The following EEF1AKMT2 variants were observed in gnomAD, a reference collection of about 807,000 sequenced individuals.
EEF1AKMT2 encodes the protein eukaryotic translation elongation factor 1 alpha lysine methyltransferase 2.
In EEF1AKMT2, 32 loss-of-function variants were observed where a neutral mutation model predicts 35.8. The observed-to-expected ratio is 0.89, with a 90% CI of 0.67 to 1.20. EEF1AKMT2 has a LOEUF of 1.20. EEF1AKMT2 is among the 50% of genes most tolerant of loss of function. The probability of loss-of-function intolerance (pLI) is 0.00; values close to 1 mark genes in which losing one functional copy is unlikely to be tolerated. For missense variants in EEF1AKMT2, 330 were observed against 347.5 expected, an observed-to-expected ratio of 0.95 and a Z score of 0.40; for synonymous variants, 121 against 133.7, an observed-to-expected ratio of 0.91 and a Z score of 0.65.
intron 3 of EEF1AKMT2, among the ~76,000 whole-genome samples, chr10:124,788,097 A>G (rs529732780): frequency 3.4e-4 from 52 of 152,262 alleles, no homozygotes; most frequent in Admixed American, 9.2e-4. Flanking sequence ...TTGTATTTCA[A>G]TTTATCAAAT....
chr10:124,774,825 T>C, intron 3 of EEF1AKMT2, 43 bp from the exon 4 acceptor site: 2 of 959,820 alleles, frequency 2.1e-6, no homozygotes, highest in Admixed American at 6.8e-5. Flanking sequence ...AATTTTAATA[T>C]AATGTTTTGT....
In EEF1AKMT2 at chr10:124,790,293, A is replaced by G; in HGVS notation, c.156T>C (p.Tyr52=). Residue 52 remains tyrosine, a synonymous_variant, in exon 2 of 7, where the codon TAT becomes TAC. Coordinates refer to ENST00000368836, the MANE Select transcript of EEF1AKMT2 (RefSeq NM_212554.4). ...YERELQTFRE[Y]GDTGEIWFGE... is the part of the protein sequence containing the mutation. ...CTCACCAGATTTCACCTGTATCTCC[A>G]TATTCTCGGAAAGTTTGCAGTTCTC... 6.2e-7 allele frequency: 1 copy of G among 1,612,008 alleles called. No individual in the cohort carries two copies. The highest frequency in any genetic ancestry group is 8.5e-7 in the Non-Finnish European group (1 of 1,178,084).
intron 6 of EEF1AKMT2, among the ~76,000 whole-genome samples, chr10:124,761,581 T>C (rs1950331604): frequency 6.6e-6 from 1 of 152,206 alleles, no homozygotes; most frequent in Non-Finnish European, 1.5e-5. Context: ...GTTCAAATCC[T>C]AGGTTCAAAA....
chr10:124,782,526 G>A (rs1950550437), intron 3 of EEF1AKMT2, among the ~76,000 whole-genome samples: 1 of 148,728 alleles, frequency 6.7e-6, no homozygotes, highest in Non-Finnish European at 1.5e-5. Flanking sequence ...AGCTTGCAGT[G>A]AGCCGAGATC....
In EEF1AKMT2 at chr10:124,758,146, C is replaced by T. The variant is rs947265219; in HGVS notation, c.*2357G>A. 6.6e-6 allele frequency: 1 copy of T among 152,104 alleles called. No individual in the cohort carries two copies. Among genetic ancestry groups the T allele is most frequent in the Admixed American group, 6.5e-5 (1 of 15,278 alleles). The allele number at this position is 152,104 out of a possible 1,614,324, so 9.4% of individuals were successfully genotyped here. Reference sequence around the variant, plus strand: ...TTCAAACAAGTTTCCTCAAAGTAAGCGTCTTTCGATTAAATGAAATCACAA... The same window carrying T: ...TTCAAACAAGTTTCCTCAAAGTAAGTGTCTTTCGATTAAATGAAATCACAA... On this transcript the variant is annotated 3_prime_UTR_variant, in exon 7 of 7. Coordinates refer to ENST00000368836, the MANE Select transcript of EEF1AKMT2 (RefSeq NM_212554.4).
At chr10:124,756,333 G>A (rs549981594), downstream of EEF1AKMT2, among the ~76,000 whole-genome samples, 1 of 152,330 alleles carries the variant, frequency 6.6e-6, no homozygotes, top group South Asian at 2.1e-4. Context: ...TGATCTCCTA[G>A]TTTAAGTCTC....
chr10:124,779,322 G>A (rs1379691761), intron 3 of EEF1AKMT2, among the ~76,000 whole-genome samples: 2 of 152,100 alleles, frequency 1.3e-5, no homozygotes, highest in Non-Finnish European at 2.9e-5. Context: ...TAGTAGACAC[G>A]GGGTTTCACC....
At chr10:124,761,787 T>A (rs908247764) in intron 6 of EEF1AKMT2, among the ~76,000 whole-genome samples, 1 of 152,134 alleles carries the variant, frequency 6.6e-6, no homozygotes, top group African/African-American at 2.4e-5. Context: ...GCCGTTGTGG[T>A]GGCCTGTGCC....
chr10:124,778,101 G>C (rs974641470), intron 3 of EEF1AKMT2, among the ~76,000 whole-genome samples: 2 of 152,006 alleles, frequency 1.3e-5, no homozygotes, highest in Non-Finnish European at 2.9e-5. Flanking sequence ...TGAGGCAGGA[G>C]AATCGCTTGA....
chr10:124,787,147 C>T (rs1421223197), intron 3 of EEF1AKMT2, among the ~76,000 whole-genome samples: 2 of 68 alleles, frequency 0.029, no homozygotes, highest in Admixed American at 0.25. Context: ...GGGGTTTCAC[C>T]GTGTTAGCCA....
In EEF1AKMT2 at chr10:124,774,694, A is replaced by G. The variant is rs1427330873; in HGVS notation, c.380T>C (p.Leu127Ser). The change falls in exon 4 of 7, where the codon TTA (leucine) becomes TCA (serine). Residue 127 changes from leucine (L) to serine (S), a missense_variant. Coordinates refer to ENST00000368836, the MANE Select transcript of EEF1AKMT2 (RefSeq NM_212554.4). ...LSGSIIEKEG[L>S]SNIKLKVEDF... ...AGTTACCTTTAACTTAATGTTAGAT[A>G]AACCTTCTTTTTCTATAATACTTCC... 1 of 1,447,232 alleles carries G rather than the reference A, an allele frequency of 6.9e-7. No homozygotes were observed. The allele number at this position is 1,447,232 out of a possible 1,614,324, so 89.6% of individuals were successfully genotyped here.
Position 124,762,541 on chromosome 10 carries a change from C to T in EEF1AKMT2, c.634G>A (p.Gly212Arg). The T allele has an allele frequency of 2.4e-6, 3 of 1,242,014 alleles. No homozygotes were observed. Among genetic ancestry groups the T allele is most frequent in the Non-Finnish European group, 3.2e-6 (3 of 951,220 alleles). The allele number at this position is 1,242,014 out of a possible 1,614,324, so 76.9% of individuals were successfully genotyped here. ...EFSEGWSTVA[G>R]FWLTAALTSW... The stretch of plus-strand genomic sequence containing the variant: ...GTCAAGGCTGCAGTGAGCCAAAATC[C>T]TGCCACTGTACTCCAACCTGGGCAA... The change falls in exon 6 of 7, where the codon GGA becomes AGA. Residue 212 changes from glycine to arginine, a missense_variant. By Grantham distance (125) the Gly-to-Arg change is moderately radical. Coordinates refer to ENST00000368836, the MANE Select transcript of EEF1AKMT2 (RefSeq NM_212554.4).
intron 3 of EEF1AKMT2, among the ~76,000 whole-genome samples, chr10:124,776,703 G>A (rs1950490324): frequency 5.3e-5 from 8 of 151,990 alleles, no homozygotes; most frequent in Admixed American, 4.6e-4. Context: ...GCTGAGGCAG[G>A]AGAATTGCTT....
intron 3 of EEF1AKMT2, among the ~76,000 whole-genome samples, chr10:124,781,050 A>G (rs1265998673): frequency 6.6e-6 from 1 of 151,780 alleles, no homozygotes; most frequent in Non-Finnish European, 1.5e-5. Context: ...GGTTCAAGCT[A>G]TTCCCCTGCC....
chr10:124,779,312 T>C (rs1950516077), intron 3 of EEF1AKMT2, among the ~76,000 whole-genome samples: 1 of 152,172 alleles, frequency 6.6e-6, no homozygotes, highest in East Asian at 1.9e-4. Context: ...TCTGTGTCTT[T>C]AGTAGACACG....
chr10:124,790,369 T>C (rs745503299), intron 1 of EEF1AKMT2, 31 bp from the exon 2 acceptor site: 1 of 1,466,084 alleles, frequency 6.8e-7, no homozygotes, highest in Non-Finnish European at 9.6e-7. Flanking sequence ...AAAGCAAGAC[T>C]CTTGAATTAA....
At chr10:124,766,340 G>T (rs75752314) in intron 4 of EEF1AKMT2, 1 of 151,570 alleles carries the variant, frequency 6.6e-6, no homozygotes, top group South Asian at 2.1e-4. Flanking sequence ...AGCAGCTTAC[G>T]AAATTACTAA....
At chr10:124,764,424 A>G (rs570610785) in intron 5 of EEF1AKMT2, among the ~76,000 whole-genome samples, 1 of 152,342 alleles carries the variant, frequency 6.6e-6, no homozygotes, top group African/African-American at 2.4e-5. Flanking sequence ...ACTGGCAGAT[A>G]AAATATTTCT....
At chr10:124,773,284 A>T (rs982824921) in intron 4 of EEF1AKMT2, among the ~76,000 whole-genome samples, 1 of 151,870 alleles carries the variant, frequency 6.6e-6, no homozygotes, top group Admixed American at 6.6e-5. Flanking sequence ...TGCAACCTCC[A>T]CCTTCCAGGT....
Sources: gnomAD v4.1 joint callset for allele counts (sites outside exome capture counted in the v4.1 genomes callset) on GRCh38, gnomAD v4.1.1 for gene constraint, MANE v1.5 for transcripts, NCBI Gene and HGNC (gene_info 2026-07-23, HGNC 2026-07-21) for gene names.